Variants in COL4A6 observed in about 807,000 individuals in gnomAD.
COL4A6 encodes collagen alpha-6(IV) chain.
COL4A6 carries 59 observed loss-of-function variants against 126.7 expected under a neutral mutation model. The observed-to-expected ratio is 0.47, with a 90% CI of 0.38 to 0.58. The LOEUF (loss-of-function observed/expected upper bound fraction) is 0.58. COL4A6 is among the 20% of genes least tolerant of loss of function. The pLI is 0.00. For missense variants in COL4A6, 1,285 were observed against 1,337.3 expected, an observed-to-expected ratio of 0.96 and a Z score of 0.61; for synonymous variants, 547 against 496.6, an observed-to-expected ratio of 1.10 and a Z score of -1.35.
upstream of COL4A6, chrX:108,438,428 CA>C (rs2064315074): frequency 2.4e-5 from 24 of 1,016,707 alleles, no homozygotes; most frequent in Admixed American, 4.8e-5. Flanking sequence ...GAGATAGTTC[CA>C]TGCAGCAGGA....
chrX:108,282,398 G>T (rs1035588758), intron 3 of COL4A6, among the ~76,000 whole-genome samples: 2 of 111,035 alleles, frequency 1.8e-5, no homozygotes, highest in African/African-American at 3.3e-5. Flanking sequence ...ATGAAAAAGT[G>T]CTCTTCATCA....
intron 2 of COL4A6, among the ~76,000 whole-genome samples, chrX:108,359,416 C>T (rs1439229090): frequency 8.9e-6 from 1 of 112,675 alleles, no homozygotes; most frequent in Non-Finnish European, 1.9e-5. Context: ...AGGCAAGCTG[C>T]AATTGCAGGT....
intron 3 of COL4A6, among the ~76,000 whole-genome samples, chrX:108,305,155 C>A (rs1405630736): frequency 8.9e-6 from 1 of 111,900 alleles, no homozygotes; most frequent in Non-Finnish European, 1.9e-5. Flanking sequence ...GAGGTGAAAT[C>A]TGTGCTCAGT....
At chrX:108,217,087 G>GTTTGCTCACTCTCT (rs2035879249) in intron 5 of COL4A6, among the ~76,000 whole-genome samples, 1 of 112,161 alleles carries the variant, frequency 8.9e-6, no homozygotes, top group African/African-American at 3.2e-5. Context: ...AGGAATGCTT[G>GTTTGCTCACTCTCT]TTTGCTCACT....
intron 2 of COL4A6, among the ~76,000 whole-genome samples, chrX:108,424,904 C>G (rs1337668666): frequency 9.1e-6 from 1 of 109,934 alleles, no homozygotes; most frequent in Admixed American, 9.8e-5. Flanking sequence ...CCCAGCCACT[C>G]TGGGGGCTGA....
At chrX:108,163,934 T>G (rs1353634591) in intron 40 of COL4A6, among the ~76,000 whole-genome samples, 2 of 112,295 alleles carry the variant, frequency 1.8e-5, no homozygotes, top group Non-Finnish European at 3.8e-5. Context: ...GAGGCCAGTA[T>G]GGCAGGAGCA....
At chrX:108,190,959 T>C (rs2035021257) in intron 19 of COL4A6, among the ~76,000 whole-genome samples, 1 of 112,096 alleles carries the variant, frequency 8.9e-6, no homozygotes, top group Non-Finnish European at 1.9e-5. Flanking sequence ...ATAAGCCCTG[T>C]GTAGGCTTTT....
intron 2 of COL4A6, among the ~76,000 whole-genome samples, chrX:108,358,361 G>A (rs920326675): frequency 2.7e-5 from 3 of 109,118 alleles, no homozygotes; most frequent in African/African-American, 3.4e-5. Context: ...TAGCTATAAC[G>A]TCTAAGAAGA....
At chrX:108,291,161 A>G (rs1471819710) in intron 3 of COL4A6, among the ~76,000 whole-genome samples, 3 of 111,059 alleles carry the variant, frequency 2.7e-5, no homozygotes, top group East Asian at 5.7e-4. Context: ...AGCTCCAGTC[A>G]CCTCATTTCC....
intron 3 of COL4A6, among the ~76,000 whole-genome samples, chrX:108,285,611 G>A (rs2147824941): frequency 9.0e-6 from 1 of 111,409 alleles, no homozygotes; most frequent in East Asian, 2.8e-4. Flanking sequence ...AAAATGCTCT[G>A]CAGGAACACT....
chrX:108,346,052 C>G (rs987163122), intron 2 of COL4A6, among the ~76,000 whole-genome samples: 1 of 111,106 alleles, frequency 9.0e-6, no homozygotes, highest in African/African-American at 3.3e-5. Flanking sequence ...GAAACACCCC[C>G]GCACCCCCCA....
chrX:108,284,988 C>A (rs1243187794), intron 3 of COL4A6, among the ~76,000 whole-genome samples: 1 of 111,764 alleles, frequency 8.9e-6, no homozygotes, highest in Non-Finnish European at 1.9e-5. Context: ...CTACCCCTAT[C>A]CTTCCTTTTA....
intron 23 of COL4A6, among the ~76,000 whole-genome samples, chrX:108,184,764 C>T (rs1423015055): frequency 5.3e-5 from 6 of 112,328 alleles, no homozygotes; most frequent in Non-Finnish European, 9.4e-5. Flanking sequence ...CTATAGCTTA[C>T]CATATCATAT....
chrX:108,396,023 C>T lies in COL4A6; in HGVS notation c.63+41919G>A, dbSNP rs5973869. Among the ~76,000 whole-genome samples the T allele has an allele frequency of 4.9e-3, 546 of 111,128 alleles. 3 individuals carry two copies. Among genetic ancestry groups the T allele is most frequent in the African/African-American group, 0.016 (497 of 30,656 alleles). ...TGTTTTAAAATGTTAATTCTCTCTCCTTTTTCACGGTACCCTCCCTAAACT... is the reference window on the plus strand; with the variant it reads ...TGTTTTAAAATGTTAATTCTCTCTCTTTTTTCACGGTACCCTCCCTAAACT... On this transcript the variant is annotated intron_variant, in intron 2 of 44. Coordinates refer to ENST00000334504, the MANE Select transcript of COL4A6 (RefSeq NM_033641.4).
rs550358595 is a variant in COL4A6 at position 108,225,497 on chromosome X, C to T, written c.145-4123G>A. 2.7e-5 allele frequency among the ~76,000 whole-genome samples: 3 copies of T among 112,347 alleles called. No homozygotes were observed. In the East Asian group the frequency reaches 8.4e-4, roughly 32 times the overall value. ...TGCTCAGGATTTTAAATATGCACAT[C>T]AGGGTCTAATTCTCAAGGGAATGAG... is the stretch of plus-strand genomic sequence containing the variant. On this transcript the variant is annotated intron_variant, in intron 3 of 44. Coordinates refer to ENST00000334504, the MANE Select transcript of COL4A6 (RefSeq NM_033641.4).
In COL4A6 at chrX:108,192,679, G is replaced by C. The variant is rs940748896; in HGVS notation, c.1073-99C>G. Reference sequence around the variant, plus strand: ...AGGTGCAGGAGCTGTCCTGGCATTAGAAGTGCCTTTCATGCCTTTCCCAAG... The same window carrying C: ...AGGTGCAGGAGCTGTCCTGGCATTACAAGTGCCTTTCATGCCTTTCCCAAG... On this transcript the variant is annotated intron_variant, in intron 17 of 44. Coordinates refer to ENST00000334504, the MANE Select transcript of COL4A6 (RefSeq NM_033641.4). 1.3e-5 allele frequency: 7 copies of C among 543,859 alleles called. No individual in the cohort carries two copies. In the East Asian group the frequency reaches 2.6e-4, roughly 20 times the overall value. The allele number at this position is 543,859 out of a possible 1,213,427, so 44.8% of individuals were successfully genotyped here. A position where few individuals can be genotyped will look rare whatever the true frequency, so the allele number is the denominator to read the frequency against.
At chrX:108,340,834 G>A (rs951429709) in intron 2 of COL4A6, among the ~76,000 whole-genome samples, 1 of 55,458 alleles carries the variant, frequency 1.8e-5, no homozygotes. Context: ...ATCTACTAGT[G>A]GGGTGGGGGG....
chrX:108,268,000 G>A (rs777682945), intron 3 of COL4A6: 2 of 111,781 alleles, frequency 1.8e-5, no homozygotes, highest in African/African-American at 6.5e-5. Context: ...GCCATAAATG[G>A]GCTTGGCAAA....
At chrX:108,278,085 C>T (rs1049117232) in intron 3 of COL4A6, among the ~76,000 whole-genome samples, 5 of 112,122 alleles carry the variant, frequency 4.5e-5, no homozygotes, top group African/African-American at 6.5e-5. Flanking sequence ...AGCAGAGCGC[C>T]TCTCCTCCTC....
Sources: allele counts gnomAD v4.1 joint callset (sites outside exome capture counted in the v4.1 genomes callset), GRCh38; gene constraint gnomAD v4.1.1; transcripts MANE v1.5; gene names NCBI Gene and HGNC (gene_info 2026-07-23, HGNC 2026-07-21).